SCLT1: variants seen among roughly 807,000 people sequenced by gnomAD.
The protein encoded by SCLT1 is sodium channel and clathrin linker 1, also known as sodium channel-associated protein 1.
SCLT1 carries 78 observed loss-of-function variants against 112.8 expected under a neutral mutation model. The observed-to-expected ratio is 0.69, with a 90% CI of 0.58 to 0.83. SCLT1 has a LOEUF of 0.83. Among genes scored for constraint, SCLT1 ranks in the 40% least tolerant of loss-of-function variants. The pLI is 0.00. For synonymous variants in SCLT1, 257 were observed against 254.7 expected, an observed-to-expected ratio of 1.01 and a Z score of -0.09; for missense variants, 747 against 770.4, an observed-to-expected ratio of 0.97 and a Z score of 0.36.
intron 5 of SCLT1, chr4:129,036,506 T>G (rs12505609): frequency 6.6e-6 from 1 of 151,828 alleles, no homozygotes; most frequent in Non-Finnish European, 1.5e-5. Context: ...AATAAGTATT[T>G]TGGAAAAGAA....
chr4:129,004,360 G>A (rs189224684), intron 5 of SCLT1, among the ~76,000 whole-genome samples: 1 of 152,060 alleles, frequency 6.6e-6, no homozygotes, highest in East Asian at 1.9e-4. Flanking sequence ...AGAAGAAAAT[G>A]GTCGCTGGCT....
chr4:128,934,873 T>A (rs1002662769), intron 18 of SCLT1, among the ~76,000 whole-genome samples: 1 of 151,964 alleles, frequency 6.6e-6, no homozygotes, highest in Non-Finnish European at 1.5e-5. Context: ...GTGAACTTCT[T>A]TGACATCTTG....
At chr4:128,897,851 C>T (rs188077190) in intron 18 of SCLT1, among the ~76,000 whole-genome samples, 1 of 136,524 alleles carries the variant, frequency 7.3e-6, no homozygotes, top group African/African-American at 2.5e-5. Context: ...ATGGAAAACA[C>T]AAAAAGGCAG....
At chr4:129,091,562 C>A (rs1561077580) in intron 1 of SCLT1, among the ~76,000 whole-genome samples, 1 of 152,162 alleles carries the variant, frequency 6.6e-6, no homozygotes, top group South Asian at 2.1e-4. Flanking sequence ...ACTACTCTTA[C>A]GGTGGCCAGT....
intron 6 of SCLT1, among the ~76,000 whole-genome samples, chr4:129,001,883 T>G (rs191775582): frequency 6.6e-6 from 1 of 152,166 alleles, no homozygotes; most frequent in East Asian, 1.9e-4. Context: ...CATATAAGCC[T>G]AAATTAATTT....
At chr4:128,972,198 T>C (rs1740748764) in intron 9 of SCLT1, 1 of 152,016 alleles carries the variant, frequency 6.6e-6, no homozygotes, top group Non-Finnish European at 1.5e-5. Context: ...TAAAATCCTA[T>C]ATATTTTTAA....
intron 18 of SCLT1, among the ~76,000 whole-genome samples, chr4:128,914,812 T>A (rs1387627989): frequency 1.3e-5 from 2 of 152,152 alleles, no homozygotes; most frequent in African/African-American, 2.4e-5. Flanking sequence ...GAATTTTAGT[T>A]AAAATCAATG....
intron 2 of SCLT1, among the ~76,000 whole-genome samples, chr4:129,075,276 T>G (rs1248195769): frequency 6.6e-6 from 1 of 152,210 alleles, no homozygotes; most frequent in African/African-American, 2.4e-5. Flanking sequence ...GCTAGCATTT[T>G]GGGAAGATGT....
At chr4:128,971,107 A>G (rs930648483) in intron 9 of SCLT1, 2 of 152,204 alleles carry the variant, frequency 1.3e-5, no homozygotes, top group African/African-American at 4.8e-5. Context: ...TTAGAACAAT[A>G]ATATGACTTT....
intron 17 of SCLT1, among the ~76,000 whole-genome samples, chr4:128,937,724 A>G (rs529755944): frequency 6.6e-6 from 1 of 152,362 alleles, no homozygotes; most frequent in Non-Finnish European, 1.5e-5. Flanking sequence ...AAAATCTCTT[A>G]CGAAAATGTC....
intron 18 of SCLT1, among the ~76,000 whole-genome samples, chr4:128,918,712 G>A (rs920879521): frequency 9.9e-5 from 15 of 152,058 alleles, no homozygotes; most frequent in Admixed American, 2.0e-4. Context: ...AAACATACCC[G>A]TAGGCTCAAA....
At chr4:128,935,099 T>G (rs922671193) in intron 18 of SCLT1, among the ~76,000 whole-genome samples, 2 of 152,030 alleles carry the variant, frequency 1.3e-5, no homozygotes, top group African/African-American at 4.8e-5. Context: ...AATAAGTTAA[T>G]GTTGTAAATT....
intron 4 of SCLT1, 83 bp downstream of exon 4, chr4:129,043,312 G>A (rs972311030): frequency 4.1e-6 from 3 of 739,828 alleles, no homozygotes; most frequent in Non-Finnish European, 7.0e-6. Context: ...TCTCATCAAT[G>A]TCTTTTTAAA....
intron 1 of SCLT1, among the ~76,000 whole-genome samples, chr4:129,090,296 G>A (rs909486792): frequency 6.6e-6 from 1 of 152,164 alleles, no homozygotes; most frequent in African/African-American, 2.4e-5. Context: ...AAATAAATCA[G>A]TGGAAAAGAA....
At chr4:128,874,221 CTT>C (rs1485843240) in intron 5 of SCLT1, 1 of 152,480 alleles carries the variant, frequency 6.6e-6, no homozygotes, top group African/African-American at 2.4e-5. Context: ...GAAGGTTGGA[CTT>C]TATCTACAGT....
At chr4:129,049,164 T>C (rs1748499701) in intron 2 of SCLT1, among the ~76,000 whole-genome samples, 1 of 151,652 alleles carries the variant, frequency 6.6e-6, no homozygotes, top group African/African-American at 2.4e-5. Context: ...CATGCTGCTA[T>C]AAAGACACAT....
chr4:129,089,024 G>A (rs1416458210), intron 1 of SCLT1, among the ~76,000 whole-genome samples: 1 of 152,118 alleles, frequency 6.6e-6, no homozygotes, highest in Non-Finnish European at 1.5e-5. Context: ...AAACTGAAGA[G>A]CTTCTACACA....
chr4:129,035,508 G>C (rs1461595860), intron 5 of SCLT1, among the ~76,000 whole-genome samples: 1 of 151,612 alleles, frequency 6.6e-6, no homozygotes, highest in Admixed American at 6.6e-5. Flanking sequence ...ATTGCCACTG[G>C]AACAAAATTA....
intron 18 of SCLT1, among the ~76,000 whole-genome samples, chr4:128,912,242 T>C (rs1012178608): frequency 2.0e-5 from 3 of 152,150 alleles, no homozygotes; most frequent in East Asian, 1.9e-4. Context: ...GACTATACCA[T>C]TGAATCACTA....
Sources: allele counts gnomAD v4.1 joint callset (sites outside exome capture counted in the v4.1 genomes callset), GRCh38; gene constraint gnomAD v4.1.1; transcripts MANE v1.5; gene names NCBI Gene and HGNC (gene_info 2026-07-23, HGNC 2026-07-21).